TRIP4: variants seen among roughly 807,000 people sequenced by gnomAD.
TRIP4 encodes the protein activating signal cointegrator 1.
A neutral mutation model predicts 81.8 loss-of-function variants in TRIP4; 54 were observed. That is an observed-to-expected ratio of 0.66 (90% confidence interval 0.53 to 0.83). The LOEUF (loss-of-function observed/expected upper bound fraction) is 0.83, where lower values mean the gene tolerates loss of function less well. TRIP4 is among the 40% of genes least tolerant of loss of function. The probability of loss-of-function intolerance (pLI) is 0.00; values close to 1 mark genes in which losing one functional copy is unlikely to be tolerated. For synonymous variants in TRIP4, 270 were observed against 242.8 expected (o/e 1.11, Z -1.04); for missense variants, 662 against 683.6 (o/e 0.97, Z 0.35).
intron 11 of TRIP4, among the ~76,000 whole-genome samples, chr15:64,431,884 T>C (rs1364526625): frequency 3.2e-4 from 36 of 112,718 alleles, no homozygotes; most frequent in East Asian, 1.9e-3. Context: ...TTTCTTTTTT[T>C]TTTTTTTTTT....
intron 11 of TRIP4, among the ~76,000 whole-genome samples, chr15:64,431,061 A>G (rs966427525): frequency 6.6e-6 from 1 of 152,214 alleles, no homozygotes; most frequent in African/African-American, 2.4e-5. Flanking sequence ...GGAAATCATC[A>G]GCTTCTATCA....
intron 6 of TRIP4, 57 bp from the exon 7 acceptor site, chr15:64,409,556 A>G: frequency 6.6e-7 from 1 of 1,521,564 alleles, no homozygotes; most frequent in Non-Finnish European, 9.1e-7. Flanking sequence ...GTTTTCCAAT[A>G]ATCGGTCCTT....
intron 5 of TRIP4, among the ~76,000 whole-genome samples, chr15:64,405,180 AGT>A (rs1416235620): frequency 2.1e-5 from 3 of 143,888 alleles, no homozygotes; most frequent in African/African-American, 7.8e-5. Flanking sequence ...TTTGAGATGG[AGT>A]CTTGCTCTGT....
At chr15:64,420,499 A>T (rs996922225) in intron 9 of TRIP4, among the ~76,000 whole-genome samples, 1 of 149,338 alleles carries the variant, frequency 6.7e-6, no homozygotes, top group African/African-American at 2.4e-5. Context: ...TTCACTTATC[A>T]TTACAACATA....
chr15:64,432,640 G>A (rs2140305757), intron 11 of TRIP4, among the ~76,000 whole-genome samples: 1 of 149,534 alleles, frequency 6.7e-6, no homozygotes. Context: ...AGCCGGGCGT[G>A]GTGACTCACA....
chr15:64,432,492 C>A (rs1892300586), intron 11 of TRIP4, among the ~76,000 whole-genome samples: 3 of 151,962 alleles, frequency 2.0e-5, no homozygotes, highest in Non-Finnish European at 2.9e-5. Context: ...CCCCTGTAAT[C>A]CCAGCTACTT....
intron 11 of TRIP4, 129 bp from the exon 12 acceptor site, chr15:64,444,869 GAGCATAAT>G: frequency 1.8e-6 from 1 of 543,552 alleles, no homozygotes; most frequent in Admixed American, 3.4e-5. Context: ...CTTGCTTGTT[GAGCATAAT>G]CCTCTTTACC....
At chr15:64,427,079 C>T (rs905185810) in intron 11 of TRIP4, among the ~76,000 whole-genome samples, 5 of 152,204 alleles carry the variant, frequency 3.3e-5, no homozygotes, top group East Asian at 3.9e-4. Context: ...AATACTTTAA[C>T]TTAATTAGAA....
intron 9 of TRIP4, among the ~76,000 whole-genome samples, chr15:64,420,065 T>C (rs1891976398): frequency 6.6e-6 from 1 of 151,880 alleles, no homozygotes; most frequent in Admixed American, 6.6e-5. Flanking sequence ...TCGCCCACCT[T>C]GGCCTCCCAA....
rs569611833 is a variant in TRIP4 at position 64,448,305 on chromosome 15, A to G, written c.1678+3197A>G. 4.6e-4 allele frequency among the ~76,000 whole-genome samples: 70 copies of G among 152,302 alleles called. 1 individual carries two copies. The South Asian group carries it at 0.014, about 30-fold the overall frequency. ...ACTTTAGTACTTTCTCTACACCTTC[A>G]GGACCTATAGGGCCTTCATTTTTCT... On this transcript the variant is annotated intron_variant, in intron 12 of 12. Coordinates refer to ENST00000261884, the MANE Select transcript of TRIP4 (RefSeq NM_016213.5).
intron 6 of TRIP4, among the ~76,000 whole-genome samples, 165 bp downstream of exon 6, chr15:64,406,624 A>G (rs918659464): frequency 3.9e-5 from 6 of 152,232 alleles, no homozygotes; most frequent in Non-Finnish European, 8.8e-5. Flanking sequence ...TTTTTAATCC[A>G]CGGTTGAATA....
At chr15:64,394,218 G>C (rs1439179428) in intron 2 of TRIP4, 103 bp downstream of exon 2, 5 of 1,082,694 alleles carry the variant, frequency 4.6e-6, no homozygotes, top group Non-Finnish European at 5.1e-6. Flanking sequence ...TTTCTTCACA[G>C]CTAACTTAAA....
chr15:64,443,241 AT>A (rs1231859478), intron 11 of TRIP4, among the ~76,000 whole-genome samples: 1 of 152,154 alleles, frequency 6.6e-6, no homozygotes, highest in Non-Finnish European at 1.5e-5. Flanking sequence ...TGGATAAGAG[AT>A]TTTGTTTCAT....
At chr15:64,444,399 G>A (rs778788691) in intron 11 of TRIP4, among the ~76,000 whole-genome samples, 1 of 152,144 alleles carries the variant, frequency 6.6e-6, no homozygotes, top group Non-Finnish European at 1.5e-5. Flanking sequence ...TTGTTTTTAT[G>A]ATAAGAGATC....
chr15:64,419,515 C>T (rs780105219), intron 9 of TRIP4, among the ~76,000 whole-genome samples: 9 of 151,840 alleles, frequency 5.9e-5, no homozygotes, highest in Non-Finnish European at 8.8e-5. Context: ...CCCGCCACCA[C>T]ACCTGGTTAA....
chr15:64,445,658 A>G (rs1297383299), intron 12 of TRIP4, among the ~76,000 whole-genome samples: 1 of 94,834 alleles, frequency 1.1e-5, no homozygotes, highest in African/African-American at 4.2e-5. Flanking sequence ...ACAGAGCGAC[A>G]CTCAGTCTCA....
At chr15:64,435,442 T>C (rs2140307422) in intron 11 of TRIP4, among the ~76,000 whole-genome samples, 1 of 150,374 alleles carries the variant, frequency 6.7e-6, no homozygotes, top group South Asian at 2.1e-4. Context: ...AGGAGAATCC[T>C]TGGAACCTGG....
At position 64,397,880 on chromosome 15, in the gene TRIP4, G is replaced by A. The variant is rs867789738; in HGVS notation, c.618+62G>A. The A allele has an allele frequency of 2.7e-5, 42 of 1,529,236 alleles. No homozygotes were observed. In the Middle Eastern group the frequency reaches 5.2e-4, roughly 19 times the overall value. 94.7% of individuals were successfully genotyped at this position (1,529,236 alleles called of 1,614,324 possible). A position where few individuals can be genotyped will look rare whatever the true frequency, so the allele number is the denominator to read the frequency against. On this transcript the variant is annotated intron_variant, in intron 4 of 12. Coordinates refer to ENST00000261884, the MANE Select transcript of TRIP4 (RefSeq NM_016213.5). ...TTGTGTTAATACGCAGAGCCAGTCAGATCTCAAGTAATTTCTCTTTTTTTG... is the reference window on the plus strand; with the variant it reads ...TTGTGTTAATACGCAGAGCCAGTCAAATCTCAAGTAATTTCTCTTTTTTTG...
At chr15:64,431,466 G>C (rs1465584201) in intron 11 of TRIP4, among the ~76,000 whole-genome samples, 2 of 152,134 alleles carry the variant, frequency 1.3e-5, no homozygotes, top group Non-Finnish European at 2.9e-5. Flanking sequence ...CACTTTGGGA[G>C]GCGGAGGCTG....
Sources: gnomAD v4.1 joint callset for allele counts (sites outside exome capture counted in the v4.1 genomes callset) on GRCh38, gnomAD v4.1.1 for gene constraint, MANE v1.5 for transcripts, NCBI Gene and HGNC (gene_info 2026-07-23, HGNC 2026-07-21) for gene names.